The following NCAM1 variants were observed in gnomAD, a reference collection of about 807,000 sequenced individuals.
The protein encoded by NCAM1 is neural cell adhesion molecule 1, also known as antigen recognized by monoclonal antibody 5.1H11.
A neutral mutation model predicts 109.8 loss-of-function variants in NCAM1; 14 were observed. The ratio of observed to expected loss-of-function variants is 0.13; its 90% CI spans 0.08 to 0.20. The LOEUF is 0.20. Ranked by LOEUF, NCAM1 falls within the 10% of genes least tolerant of loss-of-function variation. The pLI, the probability that NCAM1 is intolerant of heterozygous loss-of-function variation, is 1.00. For missense variants in NCAM1, 774 were observed against 1,109.9 expected (o/e 0.70, Z 4.30); for synonymous variants, 418 against 442.9 (o/e 0.94, Z 0.70).
intron 1 of NCAM1, among the ~76,000 whole-genome samples, chr11:113,151,999 G>A (rs1280949909): frequency 5.9e-5 from 9 of 152,156 alleles, no homozygotes; most frequent in African/African-American, 2.2e-4. Flanking sequence ...TCATCTCTAA[G>A]TGCATAAAAC....
At chr11:112,976,847 T>C (rs1555067760) in intron 1 of NCAM1, among the ~76,000 whole-genome samples, 1 of 151,922 alleles carries the variant, frequency 6.6e-6, no homozygotes, top group Non-Finnish European at 1.5e-5. Context: ...AGAAGTTGTT[T>C]TTTAAAAAGA....
chr11:113,262,021 C>T (rs1183820318), intron 17 of NCAM1, among the ~76,000 whole-genome samples: 3 of 152,078 alleles, frequency 2.0e-5, no homozygotes, highest in African/African-American at 7.2e-5. Flanking sequence ...CTCACCTCAC[C>T]GGTGACGGCT....
chr11:113,208,017 G>A lies in NCAM1; in HGVS notation c.916+15G>A. On this transcript the variant is annotated intron_variant, in intron 7 of 19. Coordinates refer to ENST00000316851, the MANE Select transcript of NCAM1 (RefSeq NM_181351.5). ...CAAAGTCTTTGGTAGGGGCAGTGGG[G>A]GCCCAGGTCACTGCTCTGCCACAAT... 1 of 1,598,050 alleles carries A rather than the reference G, an allele frequency of 6.3e-7. No homozygotes were observed. The highest frequency in any genetic ancestry group is 8.5e-7 in the Non-Finnish European group (1 of 1,171,714).
intron 15 of NCAM1, among the ~76,000 whole-genome samples, chr11:113,247,179 G>A (rs1945522891): frequency 6.6e-6 from 1 of 152,176 alleles, no homozygotes; most frequent in African/African-American, 2.4e-5. Flanking sequence ...TCGCTTACCA[G>A]AAGGAGAGAA....
chr11:113,028,018 G>T (rs1202016694), intron 1 of NCAM1, among the ~76,000 whole-genome samples: 1 of 152,182 alleles, frequency 6.6e-6, no homozygotes, highest in Non-Finnish European at 1.5e-5. Flanking sequence ...GCAGAGAATA[G>T]AATAGCGGTT....
intron 1 of NCAM1, among the ~76,000 whole-genome samples, chr11:113,198,129 G>T (rs1009345462): frequency 3.3e-5 from 5 of 152,136 alleles, no homozygotes; most frequent in African/African-American, 1.2e-4. Flanking sequence ...GAGATTGTTT[G>T]GTTCTCAAAA....
chr11:113,072,142 CT>C (rs1242423162), intron 1 of NCAM1, among the ~76,000 whole-genome samples: 2 of 152,088 alleles, frequency 1.3e-5, no homozygotes, highest in African/African-American at 2.4e-5. Flanking sequence ...AAGAATACAT[CT>C]CAAAAAAAAT....
rs117268096 is a variant in NCAM1, at chr11:113,140,883, A to G, written c.53-61496A>G. On this transcript the variant is annotated intron_variant, in intron 1 of 19. Coordinates refer to ENST00000316851, the MANE Select transcript of NCAM1 (RefSeq NM_181351.5). Reference sequence around the variant, plus strand: ...ATAGTGAATTAAATTCATATTTCACATCATCCTGAGGATTTCATTTTTTTT... The same window carrying G: ...ATAGTGAATTAAATTCATATTTCACGTCATCCTGAGGATTTCATTTTTTTT... Among the ~76,000 whole-genome samples the G allele has an allele frequency of 5.2e-3, 785 of 151,798 alleles. 3 individuals carry two copies. Among genetic ancestry groups the G allele is most frequent in the Non-Finnish European group, 8.9e-3 (604 of 67,918 alleles).
intron 1 of NCAM1, among the ~76,000 whole-genome samples, chr11:113,193,986 A>C (rs1429403041): frequency 1.3e-5 from 2 of 152,178 alleles, no homozygotes; most frequent in Admixed American, 1.3e-4. Flanking sequence ...AATTTGACCC[A>C]GGGAACTCAG....
intron 17 of NCAM1, chr11:113,264,164 A>G: frequency 3.0e-6 from 3 of 985,252 alleles, no homozygotes; most frequent in African/African-American, 1.7e-5. Context: ...TTGTGGTCAC[A>G]TATCATTCTA....
At chr11:113,243,935 T>C (rs1370887136) in intron 14 of NCAM1, 1 of 168,872 alleles carries the variant, frequency 5.9e-6, no homozygotes, top group East Asian at 1.5e-4. Context: ...TCTGCTTTCT[T>C]GGTGTTCCCT....
chr11:113,048,687 C>T (rs943374876), intron 1 of NCAM1, among the ~76,000 whole-genome samples: 1 of 152,124 alleles, frequency 6.6e-6, no homozygotes, highest in Non-Finnish European at 1.5e-5. Context: ...GGAGTATGGA[C>T]TTTGGGTTAT....
In NCAM1 at chr11:113,109,935, CATACATACATAT is replaced by C. The variant is rs1237226894; in HGVS notation, c.53-92425_53-92414del. Among the ~76,000 whole-genome samples, 7 of 152,226 alleles carry C rather than the reference CATACATACATAT, an allele frequency of 4.6e-5. No homozygotes were observed. In the South Asian group the frequency reaches 8.3e-4, roughly 18 times the overall value. On this transcript the variant is annotated intron_variant, in intron 1 of 19. Transcript: ENST00000316851. ...TAATGTATGATCCGTGAACATTTTA[CATACATACATAT>C]ATACATACATATATACATGCATACA...
chr11:113,025,889 T>C (rs974292353), intron 1 of NCAM1, among the ~76,000 whole-genome samples: 1 of 152,028 alleles, frequency 6.6e-6, no homozygotes, highest in Non-Finnish European at 1.5e-5. Flanking sequence ...GGCTGCTTTA[T>C]GGAAACTTTT....
At chr11:113,014,491 G>A (rs1952158057) in intron 1 of NCAM1, among the ~76,000 whole-genome samples, 1 of 152,156 alleles carries the variant, frequency 6.6e-6, no homozygotes, top group African/African-American at 2.4e-5. Context: ...ACAGCCACGG[G>A]CCTCCTTCAT....
intron 1 of NCAM1, among the ~76,000 whole-genome samples, chr11:113,123,663 G>A (rs1555096512): frequency 6.6e-6 from 1 of 152,178 alleles, no homozygotes; most frequent in Non-Finnish European, 1.5e-5. Context: ...TGGTACTCAA[G>A]GGAGGTCTCC....
intron 14 of NCAM1, among the ~76,000 whole-genome samples, chr11:113,245,716 A>G (rs1555120056): frequency 6.6e-6 from 1 of 152,204 alleles, no homozygotes. Context: ...GCATCCACCC[A>G]GCCTCATTCA....
At position 112,961,559 on chromosome 11, in the gene NCAM1, G is replaced by A. The variant is rs199895300; in HGVS notation, c.-54G>A. ...CCGCCGTCCACACTCGCTGCAGGGG[G>A]GGGGGCACAGAATTTACCGCGGCAA... On this transcript the variant is annotated 5_prime_UTR_variant, in exon 1 of 20. Coordinates refer to ENST00000316851, the MANE Select transcript of NCAM1 (RefSeq NM_181351.5). The A allele has an allele frequency of 4.4e-6, 5 of 1,136,846 alleles. No homozygotes were observed. Among genetic ancestry groups the A allele is most frequent in the Admixed American group, 3.4e-5 (2 of 59,212 alleles). 70.4% of individuals were successfully genotyped at this position (1,136,846 alleles called of 1,614,324 possible). A position where few individuals can be genotyped will look rare whatever the true frequency, so the allele number is the denominator to read the frequency against.
At chr11:113,169,749 T>C (rs1191386142) in intron 1 of NCAM1, among the ~76,000 whole-genome samples, 2 of 151,186 alleles carry the variant, frequency 1.3e-5, no homozygotes, top group South Asian at 4.3e-4. Context: ...TGCCTCAGCC[T>C]ACAGAGTAGC....
Sources: gnomAD v4.1 joint callset for allele counts (sites outside exome capture counted in the v4.1 genomes callset) on GRCh38, gnomAD v4.1.1 for gene constraint, MANE v1.5 for transcripts, NCBI Gene and HGNC (gene_info 2026-07-23, HGNC 2026-07-21) for gene names.